The following MFN1 variants were observed in gnomAD, a reference collection of about 807,000 sequenced individuals.
The protein encoded by MFN1 is mitofusin-1.
In MFN1, 65 loss-of-function variants were observed where a neutral mutation model predicts 92.4. The ratio of observed to expected loss-of-function variants is 0.70; its 90% CI spans 0.58 to 0.86. The LOEUF (loss-of-function observed/expected upper bound fraction) is 0.86. MFN1 is among the 40% of genes least tolerant of loss of function. MFN1 has a pLI of 0.00. For missense variants in MFN1, 781 were observed against 868.0 expected (o/e 0.90, Z 1.26); for synonymous variants, 297 against 300.9 (o/e 0.99, Z 0.13).
At chr3:179,367,726 C>T (rs41265407) in intron 8 of MFN1, 134 bp downstream of exon 8, 194 of 639,382 alleles carry the variant, frequency 3.0e-4, no homozygotes, top group Middle Eastern at 4.9e-4. Flanking sequence ...AGTTTGAGAC[C>T]AGCCTGGCCA....
Position 179,386,512 on chromosome 3 carries a change from G to A in MFN1, c.1895G>A (p.Ser632Asn). 6.2e-7 allele frequency: 1 copy of A among 1,614,026 alleles called. No individual in the cohort carries two copies. Residue 632 changes from serine (S) to asparagine (N), a missense_variant, in exon 16 of 18, where the codon AGC (serine) becomes AAC (asparagine). Coordinates refer to ENST00000471841, the MANE Select transcript of MFN1 (RefSeq NM_033540.3). ...GCTTTGTATCTTTATGAAAGACTGA[G>A]CTGGACCACCCATGCCAAGGAGCGA... Reference protein sequence around the residue: ...YGALYLYERLSWTTHAKERAF... With the variant: ...YGALYLYERLNWTTHAKERAF...
Position 179,368,094 on chromosome 3 carries a change from A to T in MFN1, c.966A>T (p.Gln322His). The change falls in exon 9 of 18, where the codon CAA becomes CAT. Residue 322 changes from glutamine (Q) to histidine (H), a missense_variant. Coordinates refer to ENST00000471841, the MANE Select transcript of MFN1 (RefSeq NM_033540.3). ...ARLQEFQNFE[Q>H]IFEECISQSA... is the part of the protein sequence containing the mutation. ...TACAGGAATTTCAGAATTTTGAACA[A>T]ATCTTTGAGGTAGGAATTTTGTGAT... The T allele has an allele frequency of 6.4e-7, 1 of 1,564,740 alleles. No individual in the cohort carries two copies. Among genetic ancestry groups the T allele is most frequent in the Non-Finnish European group, 8.7e-7 (1 of 1,153,034 alleles).
At chr3:179,348,074 G>A (rs1442613283) in intron 1 of MFN1, 21 of 152,278 alleles carry the variant, frequency 1.4e-4, no homozygotes, top group Admixed American at 1.4e-3. Context: ...GTGGGCTCTG[G>A]CCCTGACTCC....
chr3:179,373,925 G>A lies in MFN1; in HGVS notation c.976-1295G>A, dbSNP rs529031483. 7.9e-5 allele frequency among the ~76,000 whole-genome samples: 12 copies of A among 151,876 alleles called. 1 individual carries two copies. The East Asian group carries it at 1.6e-3, about 20-fold the overall frequency. On this transcript the variant is annotated intron_variant, in intron 9 of 17. Transcript: ENST00000471841. ...CCTGACCTCGTGATCTGCCCGCCTC[G>A]GCCTCACAAAGTGCTGGGATTACAG...
chr3:179,375,970 G>T (rs942430416), intron 10 of MFN1, among the ~76,000 whole-genome samples: 2 of 152,160 alleles, frequency 1.3e-5, no homozygotes, highest in Non-Finnish European at 2.9e-5. Flanking sequence ...CACAGATCGG[G>T]ATGTTATTAG....
At position 179,378,390 on chromosome 3, in the gene MFN1, G is replaced by A. The variant is rs145789238; in HGVS notation, c.1379G>A (p.Arg460Gln). The A allele has an allele frequency of 1.8e-5, 29 of 1,606,838 alleles. No homozygotes were observed. The highest frequency in any genetic ancestry group is 9.4e-5 in the African/African-American group (7 of 74,416). The change falls in exon 13 of 18, where the codon CGA becomes CAA. Residue 460 changes from arginine (R) to glutamine (Q), a missense_variant. Transcript: ENST00000471841. ...EDGMGRNLAD[R>Q]CTDEVNALVL... is the part of the protein sequence containing the mutation. ...GGTATGGGAAGAAATTTGGCTGATC[G>A]ATGCACCGATGAAGTAAACGCCTTA...
chr3:179,357,170 G>A (rs1284741219), intron 3 of MFN1, among the ~76,000 whole-genome samples: 1 of 152,130 alleles, frequency 6.6e-6, no homozygotes, highest in Non-Finnish European at 1.5e-5. Flanking sequence ...AAAGTGTTAC[G>A]ATTCTAATGT....
At chr3:179,368,206 TG>T in intron 9 of MFN1, 103 bp downstream of exon 9, 1 of 876,996 alleles carries the variant, frequency 1.1e-6, no homozygotes, top group Non-Finnish European at 1.5e-6. Context: ...TAACTTTTGC[TG>T]TTATTTAGTT....
rs895317225 is a variant in MFN1, at chr3:179,367,319, C to T, written c.754-120C>T. 4.2e-6 allele frequency: 3 copies of T among 715,802 alleles called. No individual in the cohort carries two copies. In the African/African-American group the frequency reaches 5.6e-5, roughly 13 times the overall value. 44.3% of individuals were successfully genotyped at this position (715,802 alleles called of 1,614,324 possible). ...TTCATTTATTAGAATTTCTTAAATT[C>T]ATTAGTTATATGGTAACTTTTATTA... On this transcript the variant is annotated intron_variant, in intron 7 of 17. Transcript: ENST00000471841.
Position 179,383,371 on chromosome 3 carries a change from A to G in MFN1, c.1663-2198A>G, listed in dbSNP as rs551725908. ...TTTTGTCAGGTTTGTCAAAGATCAG[A>G]TAGTTGTAGATGTGTGGTATTATTT... On this transcript the variant is annotated intron_variant, in intron 14 of 17. Transcript: ENST00000471841. 2.6e-5 allele frequency among the ~76,000 whole-genome samples: 4 copies of G among 152,226 alleles called. No individual in the cohort carries two copies. The East Asian group carries it at 7.7e-4, about 29-fold the overall frequency.
At chr3:179,364,204 A>T in intron 5 of MFN1, 93 bp from the exon 6 acceptor site, 1 of 764,352 alleles carries the variant, frequency 1.3e-6, no homozygotes, top group Non-Finnish European at 1.9e-6. Context: ...CCTGGTTTTT[A>T]AACTTCAAAT....
chr3:179,377,509 T>C, intron 12 of MFN1, 61 bp downstream of exon 12: 1 of 1,023,906 alleles, frequency 9.8e-7, no homozygotes, highest in Non-Finnish European at 1.5e-6. Context: ...ATACCCTCAT[T>C]TATTTCATGG....
chr3:179,350,477 A>G (rs1031556487), intron 2 of MFN1, among the ~76,000 whole-genome samples: 5 of 152,314 alleles, frequency 3.3e-5, no homozygotes, highest in Admixed American at 2.0e-4. Flanking sequence ...TAAAAATAAT[A>G]GGAAGTGAAA....
intron 14 of MFN1, among the ~76,000 whole-genome samples, chr3:179,381,799 G>C (rs1467458709): frequency 6.6e-6 from 1 of 152,146 alleles, no homozygotes; most frequent in Non-Finnish European, 1.5e-5. Flanking sequence ...AATGAATTTT[G>C]TGTTTGGACT....
chr3:179,358,354 T>C (rs539785703), intron 3 of MFN1, among the ~76,000 whole-genome samples: 4 of 152,196 alleles, frequency 2.6e-5, no homozygotes, highest in Admixed American at 2.6e-4. Flanking sequence ...GGTTTCACCA[T>C]GTTGGTCAGG....
intron 2 of MFN1, among the ~76,000 whole-genome samples, chr3:179,350,487 A>G (rs1348056460): frequency 6.6e-6 from 1 of 152,148 alleles, no homozygotes; most frequent in Non-Finnish European, 1.5e-5. Flanking sequence ...AGGAAGTGAA[A>G]ATGAAGTTAA....
intron 3 of MFN1, among the ~76,000 whole-genome samples, chr3:179,356,065 C>G (rs924389732): frequency 1.1e-4 from 16 of 152,170 alleles, no homozygotes; most frequent in African/African-American, 3.6e-4. Flanking sequence ...CTTCTAAAAC[C>G]ATAGGAATTC....
chr3:179,369,528 C>T (rs1180218348), intron 9 of MFN1, among the ~76,000 whole-genome samples: 1 of 151,968 alleles, frequency 6.6e-6, no homozygotes, highest in African/African-American at 2.4e-5. Context: ...ATACTGCTTC[C>T]ATATTGGTTC....
chr3:179,373,863 T>C (rs1247262240), intron 9 of MFN1, among the ~76,000 whole-genome samples: 2 of 151,870 alleles, frequency 1.3e-5, no homozygotes, highest in Non-Finnish European at 2.9e-5. Context: ...TTAGTAGAGA[T>C]GGGGTTTCAC....
Sources: gnomAD v4.1 joint callset for allele counts (sites outside exome capture counted in the v4.1 genomes callset) on GRCh38, gnomAD v4.1.1 for gene constraint, MANE v1.5 for transcripts, NCBI Gene and HGNC (gene_info 2026-07-23, HGNC 2026-07-21) for gene names.